FBXL5: variants seen among roughly 807,000 people sequenced by gnomAD.
FBXL5 encodes the protein F-box/LRR-repeat protein 5.
Under a neutral mutation model 78.3 loss-of-function variants are expected in FBXL5, and 26 were observed. That is an observed-to-expected ratio of 0.33 (90% CI 0.24 to 0.46). FBXL5 has a LOEUF of 0.46. Among genes scored for constraint, FBXL5 ranks in the 20% least tolerant of loss-of-function variants. The pLI is 1.00. For missense variants in FBXL5, 710 were observed against 829.2 expected, an observed-to-expected ratio of 0.86 and a Z score of 1.77; for synonymous variants, 295 against 282.5, an observed-to-expected ratio of 1.04 and a Z score of -0.45.
Position 15,605,635 on chromosome 4 carries a change from G to C in FBXL5, c.*88C>G, listed in dbSNP as rs1398005548. On this transcript the variant is annotated 3_prime_UTR_variant, in exon 11 of 11. Transcript: ENST00000341285. ...AAACAAGTCACGCTCAAAAAGGGAT[G>C]GTTAACACAAGAAATGTGCTATGAG... 9.1e-7 allele frequency: 1 copy of C among 1,104,962 alleles called. No individual in the cohort carries two copies. The highest frequency in any genetic ancestry group is 1.3e-6 in the Non-Finnish European group (1 of 742,678). The allele number at this position is 1,104,962 out of a possible 1,614,324, so 68.4% of individuals were successfully genotyped here. A position where few individuals can be genotyped will look rare whatever the true frequency, so the allele number is the denominator to read the frequency against.
At chr4:15,621,318 C>T (rs1389895060) in intron 9 of FBXL5, among the ~76,000 whole-genome samples, 2 of 151,776 alleles carry the variant, frequency 1.3e-5, no homozygotes, top group African/African-American at 4.8e-5. Flanking sequence ...TAGCAATGAA[C>T]AATTTGAAAA....
rs1216584675 is a variant in FBXL5, at chr4:15,625,960, C to A, written c.1142G>T (p.Cys381Phe). The A allele has an allele frequency of 6.3e-7, 1 of 1,582,196 alleles. No homozygotes were observed. The highest frequency in any genetic ancestry group is 1.9e-5 in the Admixed American group (1 of 51,450). Reference protein sequence around the residue: ...SAFDSWSWLGCCQSLRHLDLS... With the variant: ...SAFDSWSWLGFCQSLRHLDLS... ...ATCAAGATGCCGAAGACTCTGGCAG[C>A]AACCAAGCCAAGACCAACTATAATT... Residue 381 changes from cysteine (C) to phenylalanine (F), a missense_variant, in exon 9 of 11, where the codon TGC becomes TTC. Transcript: ENST00000341285.
chr4:15,632,084 A>G lies in FBXL5; in HGVS notation c.767-1293T>C, dbSNP rs565618270. ...TAAATATTTAATCCATCTTGAATTAATTTTTGTATAAGGTGTAAGGAAGGG... is the reference window on the plus strand; with the variant it reads ...TAAATATTTAATCCATCTTGAATTAGTTTTTGTATAAGGTGTAAGGAAGGG... On this transcript the variant is annotated intron_variant, in intron 5 of 10. Transcript: ENST00000341285. Among the ~76,000 whole-genome samples the G allele has an allele frequency of 2.6e-5, 4 of 152,260 alleles. No individual in the cohort carries two copies. In the South Asian group the frequency reaches 8.3e-4, roughly 32 times the overall value.
chr4:15,652,767 T>A (rs748060761), intron 1 of FBXL5, among the ~76,000 whole-genome samples: 8 of 152,210 alleles, frequency 5.3e-5, no homozygotes, highest in Non-Finnish European at 1.2e-4. Context: ...AAATAGTAAC[T>A]GACTTCTTGA....
upstream of FBXL5, among the ~76,000 whole-genome samples, chr4:15,659,379 T>C (rs1717195955): frequency 6.6e-6 from 1 of 152,162 alleles, no homozygotes; most frequent in South Asian, 2.1e-4. Flanking sequence ...ATTTCAACAA[T>C]TGTTACCCTC....
chr4:15,625,316 T>C lies in FBXL5; in HGVS notation c.1786A>G (p.Thr596Ala), dbSNP rs749525729. 3.7e-6 allele frequency: 6 copies of C among 1,614,072 alleles called. No individual in the cohort carries two copies. Among genetic ancestry groups the C allele is most frequent in the South Asian group, 1.1e-5 (1 of 91,078 alleles). ...CTGAGAAACAGAAGTACACGTCCAG[T>C]CTCTTGATCAGATTTTTCACTCCCA... ...YFGSEKSDQE[T>A]GRVLLFLSLS... Residue 596 changes from threonine to alanine, a missense_variant, in exon 9 of 11, where the codon ACT becomes GCT. Transcript: ENST00000341285.
chr4:15,654,055 T>C (rs1716495352), intron 1 of FBXL5, among the ~76,000 whole-genome samples: 1 of 152,202 alleles, frequency 6.6e-6, no homozygotes. Context: ...AGATTTGAAA[T>C]TCAACGTCAC....
At chr4:15,664,760 T>C (rs1577510530), upstream of FBXL5, among the ~76,000 whole-genome samples, 1 of 151,958 alleles carries the variant, frequency 6.6e-6, no homozygotes, top group Non-Finnish European at 1.5e-5. Flanking sequence ...GGTTTCACCA[T>C]GTTGGCCAGG....
chr4:15,671,070 C>T (rs932895319), intron 1 of FBXL5, among the ~76,000 whole-genome samples: 3 of 151,414 alleles, frequency 2.0e-5, no homozygotes, highest in Non-Finnish European at 4.4e-5. Context: ...ATTACAGGTG[C>T]CCGCCACCAC....
At chr4:15,621,498 G>A (rs1383914116) in intron 9 of FBXL5, among the ~76,000 whole-genome samples, 1 of 152,174 alleles carries the variant, frequency 6.6e-6, no homozygotes, top group Non-Finnish European at 1.5e-5. Context: ...CCAAAAGGTG[G>A]AAACAACCTC....
intron 9 of FBXL5, among the ~76,000 whole-genome samples, chr4:15,616,018 C>T (rs113212809): frequency 1.3e-5 from 2 of 151,918 alleles, no homozygotes; most frequent in African/African-American, 2.4e-5. Context: ...CTGAGCCCAG[C>T]GAGACCACGA....
intron 9 of FBXL5, among the ~76,000 whole-genome samples, chr4:15,622,711 G>A (rs1384567345): frequency 6.6e-6 from 1 of 152,144 alleles, no homozygotes; most frequent in Admixed American, 6.5e-5. Flanking sequence ...TGTAGTAGGT[G>A]CTCAATGAAA....
At chr4:15,636,416 T>C (rs1327218082) in intron 5 of FBXL5, 78 bp downstream of exon 5, 6 of 1,164,674 alleles carry the variant, frequency 5.2e-6, no homozygotes, top group Non-Finnish European at 6.9e-6. Flanking sequence ...AGTTTCTCTC[T>C]CTGGCCTTGC....
intron 9 of FBXL5, among the ~76,000 whole-genome samples, chr4:15,623,763 C>G (rs1485082463): frequency 6.6e-6 from 1 of 151,946 alleles, no homozygotes; most frequent in African/African-American, 2.4e-5. Context: ...CACAGTTATA[C>G]CAGTTACCTC....
chr4:15,618,708 G>C (rs926376300), intron 9 of FBXL5, among the ~76,000 whole-genome samples: 2 of 151,896 alleles, frequency 1.3e-5, no homozygotes, highest in African/African-American at 4.8e-5. Context: ...TGGGCGTGGT[G>C]GCACGTGCCT....
At chr4:15,654,551 G>A (rs923320327) in intron 1 of FBXL5, among the ~76,000 whole-genome samples, 3 of 152,152 alleles carry the variant, frequency 2.0e-5, no homozygotes, top group African/African-American at 7.2e-5. Context: ...TAAGTGTTCA[G>A]GGCAATAAAA....
Position 15,655,347 on chromosome 4 carries a change from C to T in FBXL5, c.-60G>A. On this transcript the variant is annotated 5_prime_UTR_variant, in exon 1 of 11. Coordinates refer to ENST00000341285, the MANE Select transcript of FBXL5 (RefSeq NM_012161.4). ...GCCGCCGCCTCTCCATAGACACCCT[C>T]GCCGCGGGGCAGAGGCGGCGCGCCC... 11 of 1,263,634 alleles carry T rather than the reference C, an allele frequency of 8.7e-6. No homozygotes were observed. Among genetic ancestry groups the T allele is most frequent in the Non-Finnish European group, 1.1e-5 (11 of 972,224 alleles). 78.3% of individuals were successfully genotyped at this position (1,263,634 alleles called of 1,614,324 possible). A position where few individuals can be genotyped will look rare whatever the true frequency, so the allele number is the denominator to read the frequency against.
intron 1 of FBXL5, among the ~76,000 whole-genome samples, chr4:15,650,261 C>A (rs919350891): frequency 6.6e-6 from 1 of 152,186 alleles, no homozygotes; most frequent in African/African-American, 2.4e-5. Flanking sequence ...AAATGTTGCT[C>A]TAGAAAACTG....
At chr4:15,621,873 G>C (rs1712519376) in intron 9 of FBXL5, among the ~76,000 whole-genome samples, 1 of 152,144 alleles carries the variant, frequency 6.6e-6, no homozygotes, top group Admixed American at 6.5e-5. Context: ...TTGTTACCCT[G>C]GCTGGAGTGC....
Sources: gnomAD v4.1 joint callset for allele counts (sites outside exome capture counted in the v4.1 genomes callset) on GRCh38, gnomAD v4.1.1 for gene constraint, MANE v1.5 for transcripts, NCBI Gene and HGNC (gene_info 2026-07-23, HGNC 2026-07-21) for gene names.